Variants in MTUS1 observed in about 807,000 individuals in gnomAD.
MTUS1 encodes microtubule associated scaffold protein 1, also known as microtubule-associated tumor suppressor 1.
Under a neutral mutation model 120.8 loss-of-function variants are expected in MTUS1, and 109 were observed. The ratio of observed to expected loss-of-function variants is 0.90; its 90% CI spans 0.77 to 1.06. The LOEUF is 1.06. Ranked by LOEUF, MTUS1 falls within the 50% of genes least tolerant of loss-of-function variation. The pLI is 0.00. For synonymous variants in MTUS1, 737 were observed against 550.5 expected (o/e 1.34, Z -4.74); for missense variants, 2,210 against 1,486.3 (o/e 1.49, Z -8.01).
At chr8:17,724,890 T>G (rs963425863) in intron 3 of MTUS1, among the ~76,000 whole-genome samples, 1 of 152,210 alleles carries the variant, frequency 6.6e-6, no homozygotes, top group Non-Finnish European at 1.5e-5. Flanking sequence ...GTTTTCATCT[T>G]AGACCGACAT....
intron 8 of MTUS1, 113 bp from the exon 9 acceptor site, chr8:17,656,178 C>T: frequency 1.1e-6 from 1 of 911,104 alleles, no homozygotes; most frequent in South Asian, 1.5e-5. Context: ...CCCATGATGT[C>T]TTGGGTCTCT....
At chr8:17,671,133 T>C (rs13252271) in intron 8 of MTUS1, among the ~76,000 whole-genome samples, 10,213 of 152,200 alleles carry the variant, frequency 0.067, 489 homozygotes, top group Middle Eastern at 0.18. Flanking sequence ...AATTACACCT[T>C]AATTTAAAAA....
chr8:17,702,134 T>C (rs1226854236), intron 6 of MTUS1, among the ~76,000 whole-genome samples: 1 of 152,180 alleles, frequency 6.6e-6, no homozygotes, highest in Non-Finnish European at 1.5e-5. Flanking sequence ...CTAGGACCAA[T>C]TCTGAAAAAC....
intron 6 of MTUS1, among the ~76,000 whole-genome samples, chr8:17,708,561 A>G (rs1319173671): frequency 6.6e-6 from 1 of 152,256 alleles, no homozygotes; most frequent in Non-Finnish European, 1.5e-5. Flanking sequence ...ACTGTTAAAC[A>G]CAGAGCTACC....
At chr8:17,757,528 A>C (rs1563338841) in intron 1 of MTUS1, among the ~76,000 whole-genome samples, 2 of 152,142 alleles carry the variant, frequency 1.3e-5, no homozygotes, top group Non-Finnish European at 2.9e-5. Context: ...TTGCAAATAA[A>C]TTATTATTGC....
intron 5 of MTUS1, among the ~76,000 whole-genome samples, chr8:17,714,115 A>G (rs920012477): frequency 1.3e-5 from 2 of 152,184 alleles, no homozygotes; most frequent in African/African-American, 2.4e-5. Context: ...AAAAAACCAC[A>G]GTTTTCCAAC....
At chr8:17,764,253 C>T (rs2049285676) in intron 1 of MTUS1, among the ~76,000 whole-genome samples, 3 of 152,052 alleles carry the variant, frequency 2.0e-5, no homozygotes, top group Admixed American at 2.0e-4. Context: ...TCTACAAATC[C>T]TTGGGGATAC....
chr8:17,757,853 T>A (rs1037711047), intron 1 of MTUS1, among the ~76,000 whole-genome samples: 2 of 152,122 alleles, frequency 1.3e-5, no homozygotes, highest in African/African-American at 4.8e-5. Flanking sequence ...TTAAATTTTA[T>A]TATGCTTTTG....
intron 8 of MTUS1, among the ~76,000 whole-genome samples, chr8:17,667,413 G>A (rs1160960667): frequency 6.6e-6 from 1 of 152,156 alleles, no homozygotes; most frequent in East Asian, 1.9e-4. Flanking sequence ...TAAATACATA[G>A]CCTTGTTAAA....
chr8:17,727,275 A>G (rs2046287271), intron 3 of MTUS1, among the ~76,000 whole-genome samples: 1 of 152,230 alleles, frequency 6.6e-6, no homozygotes, highest in East Asian at 1.9e-4. Flanking sequence ...AATAGATGAG[A>G]AGACTACTTA....
intron 6 of MTUS1, among the ~76,000 whole-genome samples, chr8:17,702,493 T>G (rs10112919): frequency 0.022 from 3,314 of 152,268 alleles, 118 homozygotes; most frequent in African/African-American, 0.075. Flanking sequence ...AACAAACATC[T>G]CGAAAACCTT....
chr8:17,792,378 C>G (rs1427364170), intron 1 of MTUS1, among the ~76,000 whole-genome samples: 2 of 152,120 alleles, frequency 1.3e-5, no homozygotes, highest in South Asian at 4.2e-4. Flanking sequence ...AAATGTTCAG[C>G]CTAATAAGCT....
rs757825030 is a variant in MTUS1, at chr8:17,645,137, T to G, written c.*789A>C. On this transcript the variant is annotated 3_prime_UTR_variant, in exon 15 of 15. Coordinates refer to ENST00000693296, the MANE Select transcript of MTUS1 (RefSeq NM_001363059.2). ...TAGCCTGAGAAAATGAATTACAGGA[T>G]AGTGTTAGGCTCACATGGGTAAGTA... The G allele has an allele frequency of 6.6e-6, 1 of 150,810 alleles. No individual in the cohort carries two copies. Among genetic ancestry groups the G allele is most frequent in the African/African-American group, 2.4e-5 (1 of 41,274 alleles). 9.3% of individuals were successfully genotyped at this position (150,810 alleles called of 1,614,324 possible). A position where few individuals can be genotyped will look rare whatever the true frequency, so the allele number is the denominator to read the frequency against.
chr8:17,721,641 C>G, intron 4 of MTUS1: 1 of 1,480,880 alleles, frequency 6.8e-7, no homozygotes, highest in African/African-American at 1.4e-5. Context: ...GTCAAGAGAT[C>G]CTAAATCAAT....
intron 5 of MTUS1, among the ~76,000 whole-genome samples, chr8:17,713,574 C>T (rs939396270): frequency 6.6e-6 from 1 of 152,242 alleles, no homozygotes; most frequent in Non-Finnish European, 1.5e-5. Context: ...AATTCACAGA[C>T]TGTGCACATA....
At chr8:17,707,476 G>C (rs73202203) in intron 6 of MTUS1, among the ~76,000 whole-genome samples, 6,453 of 152,046 alleles carry the variant, frequency 0.042, 159 homozygotes, top group Middle Eastern at 0.065. Flanking sequence ...GGAAAATACA[G>C]AGGCCTACCA....
intron 6 of MTUS1, among the ~76,000 whole-genome samples, chr8:17,705,490 A>C (rs766890595): frequency 6.6e-6 from 1 of 152,358 alleles, no homozygotes; most frequent in Non-Finnish European, 1.5e-5. Flanking sequence ...TGTCTCAAGA[A>C]GATTTACTAA....
chr8:17,800,657 G>C (rs777913066), intron 1 of MTUS1: 3 of 152,230 alleles, frequency 2.0e-5, no homozygotes, highest in Non-Finnish European at 2.9e-5. Flanking sequence ...GCAGAAAGTA[G>C]CGAGGCGCCA....
At position 17,733,994 on chromosome 8, in the gene MTUS1, CA is replaced by C. The variant is rs570621906; in HGVS notation, c.2287+9609del. On this transcript the variant is annotated intron_variant, in intron 3 of 14. Transcript: ENST00000693296. Reference sequence around the variant, plus strand: ...TTACATTATATAATCTCCTATATTACAGAAAGAAAACCATTAAGCGAACTTT... The same window carrying C: ...TTACATTATATAATCTCCTATATTACGAAAGAAAACCATTAAGCGAACTTT... 3.3e-3 allele frequency among the ~76,000 whole-genome samples: 501 copies of C among 152,298 alleles called. 2 individuals are homozygous for C. The highest frequency in any genetic ancestry group is 0.012 in the African/African-American group (483 of 41,566).
Sources: gnomAD v4.1 joint callset for allele counts (sites outside exome capture counted in the v4.1 genomes callset) on GRCh38, gnomAD v4.1.1 for gene constraint, MANE v1.5 for transcripts, NCBI Gene and HGNC (gene_info 2026-07-23, HGNC 2026-07-21) for gene names.